FAT1: variants seen among roughly 807,000 people sequenced by gnomAD.
FAT1 encodes FAT atypical cadherin 1.
Under a neutral mutation model 329.8 loss-of-function variants are expected in FAT1, and 171 were observed. The observed-to-expected ratio is 0.52, with a 90% CI of 0.46 to 0.59. The LOEUF is 0.59. FAT1 is among the 20% of genes least tolerant of loss of function. FAT1 has a pLI of 0.00. For missense variants in FAT1, 5,672 were observed against 5,774.4 expected (o/e 0.98, Z 0.57); for synonymous variants, 2,233 against 2,228.6 (o/e 1.00, Z -0.06).
chr4:186,651,081 AATT>A (rs1257698291), intron 3 of FAT1, among the ~76,000 whole-genome samples: 1 of 65,150 alleles, frequency 1.5e-5, no homozygotes, highest in Non-Finnish European at 3.1e-5. Context: ...ATAATTGATA[AATT>A]ATTTGATGCT....
chr4:186,589,154 T>G lies in FAT1; in HGVS notation c.13205A>C (p.Asn4402Thr), dbSNP rs778375461. Residue 4402 changes from asparagine (N) to threonine (T), a missense_variant, in exon 27 of 27, where the codon AAC (asparagine) becomes ACC (threonine). Coordinates refer to ENST00000441802, the MANE Select transcript of FAT1 (RefSeq NM_005245.4). ...VPLPDIQEFP[N>T]YEVIDEQTPL... ...TGTCTGCTCATCAATCACCTCATAG[T>G]TGGGGAACTCTTGTATGTCCGGCAG... 12 of 1,613,960 alleles carry G rather than the reference T, an allele frequency of 7.4e-6. No homozygotes were observed. The Admixed American group carries it at 1.0e-4, about 13-fold the overall frequency.
chr4:186,589,710 T>C (rs1738146353), intron 26 of FAT1, among the ~76,000 whole-genome samples: 1 of 152,180 alleles, frequency 6.6e-6, no homozygotes, highest in African/African-American at 2.4e-5. Context: ...ATTTCTATTT[T>C]TTATAGAGAC....
At chr4:186,698,744 G>T (rs142859426) in intron 2 of FAT1, among the ~76,000 whole-genome samples, 142 of 152,332 alleles carry the variant, frequency 9.3e-4, no homozygotes, top group Non-Finnish European at 1.6e-3. Flanking sequence ...AGGCCTGTTA[G>T]GGCAATGCGG....
rs902225309 is a variant in FAT1 at position 186,693,630 on chromosome 4, A to C, written c.3265+12933T>G. On this transcript the variant is annotated intron_variant, in intron 2 of 26. Coordinates refer to ENST00000441802, the MANE Select transcript of FAT1 (RefSeq NM_005245.4). ...ATGAGTCAGCCCGTGGAAAACAGCC[A>C]AGGAAACACCCAGCTGAGCCCAGCC... 1.9e-4 allele frequency among the ~76,000 whole-genome samples: 20 copies of C among 104,718 alleles called. 2 individuals are homozygous for C. The highest frequency in any genetic ancestry group is 1.5e-3 in the Admixed American group (17 of 11,496). The allele number at this position is 104,718 out of a possible 152,430, so 68.7% of individuals were successfully genotyped here. A position where few individuals can be genotyped will look rare whatever the true frequency, so the allele number is the denominator to read the frequency against.
At position 186,587,947 on chromosome 4, in the gene FAT1, G is replaced by A. The variant is rs776925432; in HGVS notation, c.*645C>T. Reference sequence around the variant, plus strand: ...CTAAACAGGTATGCAGAAGGTCCCCGTTACACTTTCCAATAATGAAAAATG... The same window carrying A: ...CTAAACAGGTATGCAGAAGGTCCCCATTACACTTTCCAATAATGAAAAATG... On this transcript the variant is annotated 3_prime_UTR_variant, in exon 27 of 27. Transcript: ENST00000441802. The A allele has an allele frequency of 1.8e-5, 4 of 217,696 alleles. No individual in the cohort carries two copies. The highest frequency in any genetic ancestry group is 3.7e-5 in the Non-Finnish European group (4 of 108,304). The allele number at this position is 217,696 out of a possible 1,614,324, so 13.5% of individuals were successfully genotyped here. A position where few individuals can be genotyped will look rare whatever the true frequency, so the allele number is the denominator to read the frequency against.
intron 1 of FAT1, among the ~76,000 whole-genome samples, chr4:186,712,466 A>T (rs140823953): frequency 0.011 from 1,682 of 152,280 alleles, 24 homozygotes; most frequent in Non-Finnish European, 0.013. Flanking sequence ...ACTATGTATC[A>T]GGTGCAGTTC....
At chr4:186,712,730 G>A (rs1040167193) in intron 1 of FAT1, among the ~76,000 whole-genome samples, 5 of 136,992 alleles carry the variant, frequency 3.6e-5, no homozygotes, top group African/African-American at 1.2e-4. Flanking sequence ...TTGGGGAAAC[G>A]TAGAGTGTTC....
At chr4:186,602,537 C>T (rs950693399) in intron 20 of FAT1, among the ~76,000 whole-genome samples, 13 of 152,218 alleles carry the variant, frequency 8.5e-5, no homozygotes, top group East Asian at 1.9e-4. Context: ...CGGAACCATA[C>T]GAAAGGTGCT....
At chr4:186,687,913 T>G (rs1236663860) in intron 2 of FAT1, among the ~76,000 whole-genome samples, 1 of 152,176 alleles carries the variant, frequency 6.6e-6, no homozygotes. Flanking sequence ...GGCATCTTTG[T>G]GCAGGTACAT....
Position 186,600,238 on chromosome 4 carries a change from G to A in FAT1, c.11763C>T (p.Asn3921=). Residue 3921 remains asparagine, a synonymous_variant, in exon 22 of 27, where the codon AAC becomes AAT. Transcript: ENST00000441802. Reference sequence around the variant, plus strand: ...CTTGGTCTAGAACCAAGCGAGCATAGTTTCCATTCACTTCCAGGGCCACTG... The same window carrying A: ...CTTGGTCTAGAACCAAGCGAGCATAATTTCCATTCACTTCCAGGGCCACTG... ...WHAVALEVNG[N]YARLVLDQVH... 6.2e-7 allele frequency: 1 copy of A among 1,614,052 alleles called. No individual in the cohort carries two copies. The highest frequency in any genetic ancestry group is 2.2e-5 in the East Asian group (1 of 44,886).
intron 4 of FAT1, among the ~76,000 whole-genome samples, 198 bp downstream of exon 4, chr4:186,639,524 G>T (rs1000959471): frequency 6.6e-6 from 1 of 152,152 alleles, no homozygotes; most frequent in Non-Finnish European, 1.5e-5. Context: ...TCTGGGAATG[G>T]TATTGAGGGA....
intron 11 of FAT1, 114 bp from the exon 12 acceptor site, chr4:186,614,458 G>A: frequency 2.9e-6 from 2 of 681,896 alleles, no homozygotes; most frequent in South Asian, 3.6e-5. Context: ...CATGGGAAAT[G>A]ACTAAAGATA....
At chr4:186,668,919 T>C (rs533949616) in intron 2 of FAT1, among the ~76,000 whole-genome samples, 1 of 152,216 alleles carries the variant, frequency 6.6e-6, no homozygotes, top group African/African-American at 2.4e-5. Flanking sequence ...TCTATTTCTC[T>C]TTATCCATGA....
intron 3 of FAT1, among the ~76,000 whole-genome samples, chr4:186,648,442 T>C (rs1247711025): frequency 1.3e-5 from 2 of 152,192 alleles, no homozygotes; most frequent in Non-Finnish European, 2.9e-5. Flanking sequence ...CTTAGAAATA[T>C]TGAAGTGGCA....
intron 18 of FAT1, 51 bp downstream of exon 18, chr4:186,604,326 C>A (rs1315692705): frequency 2.5e-5 from 36 of 1,467,428 alleles, no homozygotes; most frequent in Non-Finnish European, 3.3e-5. Context: ...CCACGCCAAG[C>A]AGCTCTTCTC....
chr4:186,723,993 A>C (rs990792973), upstream of FAT1: 4 of 150,334 alleles, frequency 2.7e-5, no homozygotes, highest in African/African-American at 9.8e-5. Flanking sequence ...TCCCGCCCGG[A>C]CCCAAAGAGC....
intron 17 of FAT1, among the ~76,000 whole-genome samples, chr4:186,604,900 GAGA>G (rs1358738779): frequency 4.6e-5 from 7 of 151,696 alleles, no homozygotes; most frequent in African/African-American, 1.5e-4. Flanking sequence ...AGGAGTGTAG[GAGA>G]AGAAGAGGAC....
At chr4:186,688,653 G>A (rs113713434) in intron 2 of FAT1, among the ~76,000 whole-genome samples, 1 of 122,160 alleles carries the variant, frequency 8.2e-6, no homozygotes, top group East Asian at 3.3e-4. Context: ...TACCCCCCCC[G>A]CCCCCCCCCA....
intron 3 of FAT1, among the ~76,000 whole-genome samples, chr4:186,649,849 T>TAA (rs1204151693): frequency 5.9e-5 from 9 of 152,328 alleles, no homozygotes; most frequent in Middle Eastern, 3.4e-3. Flanking sequence ...ACTACATATG[T>TAA]TTAACATATA....
Sources: gnomAD v4.1 joint callset for allele counts (sites outside exome capture counted in the v4.1 genomes callset) on GRCh38, gnomAD v4.1.1 for gene constraint, MANE v1.5 for transcripts, NCBI Gene and HGNC (gene_info 2026-07-23, HGNC 2026-07-21) for gene names.